The following SLC13A4 variants were observed in gnomAD, a reference collection of about 807,000 sequenced individuals.
SLC13A4 encodes the protein solute carrier family 13 member 4.
SLC13A4 carries 28 observed loss-of-function variants against 72.7 expected under a neutral mutation model. That is an observed-to-expected ratio of 0.39 (90% confidence interval 0.29 to 0.53). The LOEUF (loss-of-function observed/expected upper bound fraction) is 0.53, where lower values mean the gene tolerates loss of function less well. Ranked by LOEUF, SLC13A4 falls within the 20% of genes least tolerant of loss-of-function variation. The pLI is 0.78. For missense variants in SLC13A4, 653 were observed against 788.0 expected (o/e 0.83, Z 2.05); for synonymous variants, 312 against 325.5 (o/e 0.96, Z 0.45).
In SLC13A4 at chr7:135,685,696, G is replaced by A; in HGVS notation, c.1447-13C>T. On this transcript the variant is annotated splice_polypyrimidine_tract_variant and intron_variant, in intron 13 of 15. Transcript: ENST00000682651. ...AGAGGCCAGAGCTCTGTAGGAAGAG[G>A]TGTTACAGTAAGAAGAAAGGAGAAG... is the stretch of plus-strand genomic sequence containing the variant. The A allele has an allele frequency of 6.2e-7, 1 of 1,604,494 alleles. No individual in the cohort carries two copies. The highest frequency in any genetic ancestry group is 8.5e-7 in the Non-Finnish European group (1 of 1,172,038).
intron 14 of SLC13A4, among the ~76,000 whole-genome samples, chr7:135,684,646 G>GTTT (rs534173554): frequency 6.8e-5 from 9 of 132,450 alleles, no homozygotes; most frequent in African/African-American, 8.3e-5. Context: ...AACTAAGGTG[G>GTTT]TTTTTTTTTT....
rs758150576 is a variant in SLC13A4 at position 135,687,978 on chromosome 7, A to AT, written c.1447-2296dup. Among the ~76,000 whole-genome samples, 773 of 134,722 alleles carry AT rather than the reference A, an allele frequency of 5.7e-3. 5 individuals carry two copies. Among genetic ancestry groups the AT allele is most frequent in the Admixed American group, 7.9e-3 (106 of 13,456 alleles). 88.4% of individuals were successfully genotyped at this position (134,722 alleles called of 152,430 possible). A position where few individuals can be genotyped will look rare whatever the true frequency, so the allele number is the denominator to read the frequency against. On this transcript the variant is annotated intron_variant, in intron 13 of 15. Coordinates refer to ENST00000682651, the MANE Select transcript of SLC13A4 (RefSeq NM_001318192.2). ...GGCATGTGCCACCATCCCCGGCTAA[A>AT]TTTTTTTTTTTTTTTGAGAGGAAGT...
rs192957464 is a variant in SLC13A4 at position 135,720,594 on chromosome 7, C to G, written c.228+801G>C. 4.4e-4 allele frequency among the ~76,000 whole-genome samples: 67 copies of G among 150,786 alleles called. 1 individual carries two copies. Among genetic ancestry groups the G allele is most frequent in the Middle Eastern group, 3.5e-3 (1 of 288 alleles). On this transcript the variant is annotated intron_variant, in intron 2 of 15. Transcript: ENST00000682651. ...AAAAAACCAAAAACAAAACAAAAAC[C>G]CTAAGCAGAGACCAGGTGTTAATAA...
At chr7:135,693,371 G>A (rs1795834078) in intron 10 of SLC13A4, 1 of 152,172 alleles carries the variant, frequency 6.6e-6, no homozygotes, top group Non-Finnish European at 1.5e-5. Flanking sequence ...AACAGTTTCA[G>A]TGTGGACTGA....
At position 135,726,806 on chromosome 7, in the gene SLC13A4, C is replaced by T. The variant is rs148895675; in HGVS notation, c.99+592G>A. On this transcript the variant is annotated intron_variant, in intron 1 of 15. Transcript: ENST00000682651. Reference sequence around the variant, plus strand: ...CAAGGCCACGTGCATGGGAGCAGGGCAGCCTGCTAAGTTCTGCTTTCATTC... The same window carrying T: ...CAAGGCCACGTGCATGGGAGCAGGGTAGCCTGCTAAGTTCTGCTTTCATTC... Among the ~76,000 whole-genome samples the T allele has an allele frequency of 5.0e-3, 759 of 152,356 alleles. 20 individuals carry two copies. Among genetic ancestry groups the T allele is most frequent in the Admixed American group, 0.046 (702 of 15,308 alleles).
chr7:135,726,216 G>A (rs1265871142), intron 1 of SLC13A4, among the ~76,000 whole-genome samples: 2 of 152,118 alleles, frequency 1.3e-5, no homozygotes, highest in Non-Finnish European at 2.9e-5. Flanking sequence ...AAAAAAATCA[G>A]GCCCATTTGG....
rs951872319 is a variant in SLC13A4 at position 135,691,711 on chromosome 7, G to A, written c.1224-66C>T. 108 of 1,119,278 alleles carry A rather than the reference G, an allele frequency of 9.6e-5. No individual in the cohort carries two copies. The Admixed American group carries it at 1.5e-3, about 15-fold the overall frequency. 69.3% of individuals were successfully genotyped at this position (1,119,278 alleles called of 1,614,324 possible). A position where few individuals can be genotyped will look rare whatever the true frequency, so the allele number is the denominator to read the frequency against. On this transcript the variant is annotated intron_variant, in intron 11 of 15. Transcript: ENST00000682651. ...ATTTTCAGGAGTAACATGATGTCTC[G>A]GAGCAGTCTGTCCGAACACAGTGCC... is the stretch of plus-strand genomic sequence containing the variant.
At chr7:135,696,432 T>G (rs532555138) in intron 8 of SLC13A4, among the ~76,000 whole-genome samples, 1 of 152,282 alleles carries the variant, frequency 6.6e-6, no homozygotes, top group African/African-American at 2.4e-5. Context: ...CACTGCAACT[T>G]CCGCCTTCTG....
intron 3 of SLC13A4, chr7:135,707,308 A>AT: frequency 6.6e-6 from 1 of 152,304 alleles, no homozygotes; most frequent in South Asian, 2.1e-4. Context: ...TAGGGGCAAG[A>AT]TTATTACTGA....
chr7:135,705,831 C>T (rs2129494768), intron 4 of SLC13A4, 181 bp from the exon 5 acceptor site: 1 of 620,778 alleles, frequency 1.6e-6, no homozygotes. Flanking sequence ...CAGGGTTTTG[C>T]AGTGATCCTT....
intron 1 of SLC13A4, among the ~76,000 whole-genome samples, chr7:135,725,167 A>G (rs777857897): frequency 4.6e-5 from 7 of 152,186 alleles, no homozygotes; most frequent in Non-Finnish European, 8.8e-5. Flanking sequence ...CCCGTTTACA[A>G]GTAAAGGAAA....
chr7:135,696,068 A>T (rs769067637), intron 8 of SLC13A4, among the ~76,000 whole-genome samples: 4 of 152,182 alleles, frequency 2.6e-5, no homozygotes, highest in Non-Finnish European at 5.9e-5. Flanking sequence ...GTGGCCCCTC[A>T]GCCCAAGTGC....
intron 1 of SLC13A4, among the ~76,000 whole-genome samples, chr7:135,726,154 T>C (rs556330257): frequency 2.0e-4 from 31 of 151,978 alleles, no homozygotes; most frequent in African/African-American, 7.5e-4. Flanking sequence ...TAACAGTCCC[T>C]TATAGCAACC....
intron 2 of SLC13A4, among the ~76,000 whole-genome samples, chr7:135,713,244 A>G (rs1306993361): frequency 6.6e-6 from 1 of 152,176 alleles, no homozygotes; most frequent in Non-Finnish European, 1.5e-5. Context: ...GGACATTTGC[A>G]TGGTGGTTTG....
rs1267700940 is a variant in SLC13A4 at position 135,681,394 on chromosome 7, G to A, written c.*169C>T. 1.4e-5 allele frequency: 10 copies of A among 691,422 alleles called. No individual in the cohort carries two copies. Among genetic ancestry groups the A allele is most frequent in the African/African-American group, 1.8e-5 (1 of 56,490 alleles). 42.8% of individuals were successfully genotyped at this position (691,422 alleles called of 1,614,324 possible). ...AAGCATGTGTTTGTGGTTGTTGGAG[G>A]ATTCCTGCAGTTCACTTGAGGTGGC... On this transcript the variant is annotated 3_prime_UTR_variant, in exon 16 of 16. Coordinates refer to ENST00000682651, the MANE Select transcript of SLC13A4 (RefSeq NM_001318192.2).
rs1319749488 is a variant in SLC13A4 at position 135,726,179 on chromosome 7, AC to A, written c.99+1218del. On this transcript the variant is annotated intron_variant, in intron 1 of 15. Coordinates refer to ENST00000682651, the MANE Select transcript of SLC13A4 (RefSeq NM_001318192.2). ...TTATAGCAACCTACATGGAGAAAAAACAAAAACAAGAAAAGCCACAAAAAGA... is the reference window on the plus strand; with the variant it reads ...TTATAGCAACCTACATGGAGAAAAAAAAAAACAAGAAAAGCCACAAAAAGA... Among the ~76,000 whole-genome samples, 3 of 152,074 alleles carry A rather than the reference AC, an allele frequency of 2.0e-5. No homozygotes were observed. In the East Asian group the frequency reaches 5.8e-4, roughly 29 times the overall value.
Position 135,684,202 on chromosome 7 carries a change from G to A in SLC13A4, c.1668C>T (p.Ser556=). The A allele has an allele frequency of 6.2e-7, 1 of 1,613,242 alleles. No homozygotes were observed. Among genetic ancestry groups the A allele is most frequent in the Non-Finnish European group, 8.5e-7 (1 of 1,179,500 alleles). ...TGCCCACAGGCAGCATCACTGCAAA[G>A]GAGATGCACATGGTGACTGGGATCA... The part of the protein sequence containing the change: ...YTLIPVTMCI[S]FAVMLPVGNP... The change falls in exon 15 of 16, where the codon TCC becomes TCT. Residue 556 remains serine (S), a synonymous_variant. Transcript: ENST00000682651.
At chr7:135,725,877 G>C (rs751144939) in intron 1 of SLC13A4, among the ~76,000 whole-genome samples, 1 of 152,168 alleles carries the variant, frequency 6.6e-6, no homozygotes, top group Non-Finnish European at 1.5e-5. Flanking sequence ...GCTGAGGCAC[G>C]AGGATTGCTT....
At chr7:135,709,744 C>A (rs970736880) in intron 2 of SLC13A4, among the ~76,000 whole-genome samples, 2 of 152,168 alleles carry the variant, frequency 1.3e-5, no homozygotes, top group African/African-American at 4.8e-5. Context: ...GACTTTGAAG[C>A]CCAGTTCAGG....
Sources: gnomAD v4.1 joint callset for allele counts (sites outside exome capture counted in the v4.1 genomes callset) on GRCh38, gnomAD v4.1.1 for gene constraint, MANE v1.5 for transcripts, NCBI Gene and HGNC (gene_info 2026-07-23, HGNC 2026-07-21) for gene names.